Variants in SLC43A2 observed in about 807,000 individuals in gnomAD.
The protein encoded by SLC43A2 is solute carrier family 43 member 2, also known as large neutral amino acids transporter small subunit 4.
SLC43A2 carries 38 observed loss-of-function variants against 63.2 expected under a neutral mutation model. The observed-to-expected ratio is 0.60, with a 90% CI of 0.46 to 0.79. The LOEUF is 0.79. SLC43A2 is among the 30% of genes least tolerant of loss of function. The pLI is 0.00. For missense variants in SLC43A2, 644 were observed against 756.2 expected (o/e 0.85, Z 1.74); for synonymous variants, 322 against 331.0 (o/e 0.97, Z 0.30).
At position 1,605,522 on chromosome 17, in the gene SLC43A2, G is replaced by A. The variant is rs892818823; in HGVS notation, c.501+7673C>T. Among the ~76,000 whole-genome samples, 10 of 151,544 alleles carry A rather than the reference G, an allele frequency of 6.6e-5. No homozygotes were observed. Among genetic ancestry groups the A allele is most frequent in the Non-Finnish European group, 1.0e-4 (7 of 67,822 alleles). On this transcript the variant is annotated intron_variant, in intron 5 of 13. Coordinates refer to ENST00000301335, the MANE Select transcript of SLC43A2 (RefSeq NM_152346.3). This position sits in a 1 kb window ranked among gnomAD's most constrained non-coding sequence, Gnocchi z 4.9. ...CCCGGCCCTGACTTTCCACATCCAC[G>A]GACTCCCGAGTCCTCCCTGGCCTGC...
chr17:1,599,076 C>T (rs925824865), intron 5 of SLC43A2, among the ~76,000 whole-genome samples: 8 of 152,258 alleles, frequency 5.3e-5, no homozygotes, highest in South Asian at 2.1e-4. Context: ...GGGCTGGGCG[C>T]GGTGGCTCAC....
At chr17:1,591,725 G>GGA in intron 6 of SLC43A2, 26 bp from the exon 7 acceptor site, 1 of 975,396 alleles carries the variant, frequency 1.0e-6, no homozygotes, top group Non-Finnish European at 1.5e-6. Context: ...GGGACGGGGT[G>GGA]GGGGGGGGAG....
intron 5 of SLC43A2, chr17:1,604,737 C>CA (rs1328597409): frequency 2.0e-6 from 3 of 1,535,740 alleles, no homozygotes; most frequent in Non-Finnish European, 2.6e-6. Context: ...CCCCTGCCCT[C>CA]ACCTCCTGCT....
chr17:1,610,103 G>A (rs1356503085), intron 5 of SLC43A2, among the ~76,000 whole-genome samples: 1 of 151,770 alleles, frequency 6.6e-6, no homozygotes, highest in Non-Finnish European at 1.5e-5. Context: ...GTAGAGATGG[G>A]GTTTCATTTC....
intron 5 of SLC43A2, among the ~76,000 whole-genome samples, chr17:1,598,978 C>G (rs1349385099): frequency 6.6e-6 from 1 of 152,204 alleles, no homozygotes. Flanking sequence ...AGTAGAGTGC[C>G]TCAGGGGAAC....
At chr17:1,579,995 C>T (rs1050327610) in intron 11 of SLC43A2, among the ~76,000 whole-genome samples, 11 of 151,576 alleles carry the variant, frequency 7.3e-5, no homozygotes, top group African/African-American at 1.5e-4. Flanking sequence ...TGCAGTGGCA[C>T]GGCTCACTGC....
rs374321900 is a variant in SLC43A2 at position 1,615,001 on chromosome 17, C to A, written c.402G>T (p.Ala134=). Residue 134 remains alanine (A), a synonymous_variant, in exon 4 of 14, where the codon GCG becomes GCT. Transcript: ENST00000301335. The part of the protein sequence containing the change: ...ACFAVSCLLI[A]YGASKPNALS... ...CACCGTTTGGTTTACTTGCTCCGTA[C>A]GCAATCAGCAAGCAGGAAACCGCGA... is the stretch of plus-strand genomic sequence containing the variant. 1.2e-6 allele frequency: 2 copies of A among 1,613,968 alleles called. No homozygotes were observed. Among genetic ancestry groups the A allele is most frequent in the Non-Finnish European group, 1.7e-6 (2 of 1,179,988 alleles).
rs949389456 is a variant in SLC43A2, at chr17:1,627,930, G to A, written c.-46-10C>T. On this transcript the variant is annotated splice_polypyrimidine_tract_variant and intron_variant, in intron 1 of 13. Coordinates refer to ENST00000301335, the MANE Select transcript of SLC43A2 (RefSeq NM_152346.3). ...TCCGGCTCTGCACCACCTGCGCACAGAACTCGGCGTCAGCGGCCGGCCCTT... is the reference window on the plus strand; with the variant it reads ...TCCGGCTCTGCACCACCTGCGCACAAAACTCGGCGTCAGCGGCCGGCCCTT... 3.5e-6 allele frequency: 5 copies of A among 1,415,972 alleles called. No individual in the cohort carries two copies. Among genetic ancestry groups the A allele is most frequent in the Admixed American group, 3.3e-5 (1 of 30,606 alleles). The allele number at this position is 1,415,972 out of a possible 1,614,324, so 87.7% of individuals were successfully genotyped here. A position where few individuals can be genotyped will look rare whatever the true frequency, so the allele number is the denominator to read the frequency against.
chr17:1,570,707 T>A lies in SLC43A2; in HGVS notation c.*4897A>T, dbSNP rs7502819. ...TTCACCGTTTTAGCCGGGATGGTCT[T>A]GATCTCCTGACCTCGTGATCCGCCC... On this transcript the variant is annotated 3_prime_UTR_variant, in exon 14 of 14. Coordinates refer to ENST00000301335, the MANE Select transcript of SLC43A2 (RefSeq NM_152346.3). 6.7e-6 allele frequency: 1 copy of A among 150,236 alleles called. No individual in the cohort carries two copies. The highest frequency in any genetic ancestry group is 1.5e-5 in the Non-Finnish European group (1 of 67,528). 9.3% of individuals were successfully genotyped at this position (150,236 alleles called of 1,614,324 possible).
intron 6 of SLC43A2, 25 bp from the exon 7 acceptor site, chr17:1,591,724 T>TGGGGGGGGGG (rs552449883): frequency 5.9e-5 from 13 of 220,218 alleles, no homozygotes; most frequent in East Asian, 7.8e-5. Context: ...GGGGACGGGG[T>TGGGGGGGGGG]GGGGGGGGGA....
At chr17:1,589,712 T>C in intron 9 of SLC43A2, among the ~76,000 whole-genome samples, 1 of 152,114 alleles carries the variant, frequency 6.6e-6, no homozygotes, top group East Asian at 1.9e-4. Flanking sequence ...CTCCACCTCC[T>C]GGGTTCAAGC....
chr17:1,591,087 G>A, intron 8 of SLC43A2, 139 bp from the exon 9 acceptor site: 2 of 1,245,510 alleles, frequency 1.6e-6, no homozygotes, highest in Non-Finnish European at 2.2e-6. Context: ...TGGCGCTGCG[G>A]TGGGGTCACC....
At chr17:1,614,938 T>A (rs1027234354) in intron 4 of SLC43A2, 41 bp downstream of exon 4, 5 of 1,606,552 alleles carry the variant, frequency 3.1e-6, no homozygotes, top group Admixed American at 1.7e-5. Context: ...GGGCACTCTC[T>A]CCCCGGTCCC....
intron 2 of SLC43A2, 90 bp downstream of exon 2, chr17:1,627,625 G>T: frequency 1.0e-6 from 1 of 976,192 alleles, no homozygotes; most frequent in Non-Finnish European, 1.5e-6. Context: ...GCAATGCGGT[G>T]CTGTGGCTCG....
In SLC43A2 at chr17:1,578,105, C is replaced by T. The variant is rs1227414985; in HGVS notation, c.1424+145G>A. 6 of 761,832 alleles carry T rather than the reference C, an allele frequency of 7.9e-6. No individual in the cohort carries two copies. The highest frequency in any genetic ancestry group is 1.3e-5 in the Non-Finnish European group (6 of 473,538). 47.2% of individuals were successfully genotyped at this position (761,832 alleles called of 1,614,324 possible). On this transcript the variant is annotated intron_variant, in intron 12 of 13. Coordinates refer to ENST00000301335, the MANE Select transcript of SLC43A2 (RefSeq NM_152346.3). This position sits in a 1 kb window ranked among gnomAD's most constrained non-coding sequence, Gnocchi z 6.5. Reference sequence around the variant, plus strand: ...CTTTCCCTGAAACACCCAGCAGAAACCCTGGTACCTGTCCCCTGAAGCAGG... The same window carrying T: ...CTTTCCCTGAAACACCCAGCAGAAATCCTGGTACCTGTCCCCTGAAGCAGG...
chr17:1,586,931 C>CCCCCCCCCCCCCACA, intron 9 of SLC43A2: 1 of 986,026 alleles, frequency 1.0e-6, no homozygotes, highest in Non-Finnish European at 1.5e-6. Context: ...CTGACAATCC[C>CCCCCCCCCCCCCACA]CCCCACCCCC....
intron 5 of SLC43A2, among the ~76,000 whole-genome samples, chr17:1,600,152 A>ATATATATATATATATATATATATTTT (rs1216616243): frequency 1.7e-5 from 1 of 60,280 alleles, no homozygotes; most frequent in Non-Finnish European, 3.2e-5. Context: ...ATATATATAT[A>ATATATATATATATATATATATATTTT]TTTTTTTTTT....
intron 9 of SLC43A2, among the ~76,000 whole-genome samples, chr17:1,587,273 T>G (rs12946197): frequency 0.41 from 62,884 of 151,844 alleles, 14,783 homozygotes; most frequent in Non-Finnish European, 0.55. Flanking sequence ...CGTTGGCGGG[T>G]AGCGTGATGG....
At chr17:1,609,547 A>G (rs1209579131) in intron 5 of SLC43A2, among the ~76,000 whole-genome samples, 1 of 152,192 alleles carries the variant, frequency 6.6e-6, no homozygotes, top group Non-Finnish European at 1.5e-5. Context: ...ATTAAATTTT[A>G]AAACATGCTA....
Sources: allele counts gnomAD v4.1 joint callset (sites outside exome capture counted in the v4.1 genomes callset), GRCh38; gene constraint gnomAD v4.1.1; non-coding constraint Gnocchi (gnomAD v3.1); transcripts MANE v1.5; gene names NCBI Gene and HGNC (gene_info 2026-07-23, HGNC 2026-07-21).